The following HSD17B3 variants were observed in gnomAD, a reference collection of about 807,000 sequenced individuals.
HSD17B3 encodes 17-beta-hydroxysteroid dehydrogenase type 3.
A neutral mutation model predicts 41.1 loss-of-function variants in HSD17B3; 29 were observed. That is an observed-to-expected ratio of 0.71 (90% CI 0.53 to 0.96). The LOEUF (loss-of-function observed/expected upper bound fraction) is 0.96. HSD17B3 is among the 40% of genes least tolerant of loss of function. HSD17B3 has a pLI of 0.00. For missense variants in HSD17B3, 323 were observed against 374.6 expected (o/e 0.86, Z 1.14); for synonymous variants, 126 against 145.6 (o/e 0.87, Z 0.97).
intron 10 of HSD17B3, 130 bp from the exon 11 acceptor site, chr9:96,235,700 A>G: frequency 1.2e-6 from 1 of 800,776 alleles, no homozygotes; most frequent in South Asian, 1.5e-5. Context: ...TGTAATTGAT[A>G]AAGTTTAAGG....
chr9:96,251,116 G>A (rs1187050824), intron 5 of HSD17B3: 3 of 418,330 alleles, frequency 7.2e-6, no homozygotes, highest in African/African-American at 2.0e-5. Flanking sequence ...GAATGTGTTA[G>A]GCAGAATTAC....
chr9:96,264,588 G>T (rs981642903), intron 2 of HSD17B3, among the ~76,000 whole-genome samples: 1 of 152,150 alleles, frequency 6.6e-6, no homozygotes, highest in African/African-American at 2.4e-5. Flanking sequence ...GGCCAGGCTG[G>T]TCTTGAACTC....
chr9:96,294,850 T>G (rs1284893105), intron 2 of HSD17B3, among the ~76,000 whole-genome samples: 1 of 152,158 alleles, frequency 6.6e-6, no homozygotes, highest in Non-Finnish European at 1.5e-5. Context: ...CTACCGAGTG[T>G]CAGCCACTCC....
At chr9:96,272,423 ATATATATATATATATATATATAT>A (rs1826289593) in intron 2 of HSD17B3, among the ~76,000 whole-genome samples, 4 of 35,044 alleles carry the variant, frequency 1.1e-4, no homozygotes, top group Non-Finnish European at 1.8e-4. Flanking sequence ...ATATATATAT[ATATATATATATATATATATATAT>A]AAAATATATA....
chr9:96,277,835 GCACACA>G (rs3222260), intron 2 of HSD17B3, among the ~76,000 whole-genome samples: 33,288 of 145,882 alleles, frequency 0.23, 4,291 homozygotes, highest in Admixed American at 0.31. Flanking sequence ...GGAAAATGTG[GCACACA>G]CACACACACA....
chr9:96,271,685 AG>A (rs1473521589), intron 2 of HSD17B3, among the ~76,000 whole-genome samples: 3 of 152,240 alleles, frequency 2.0e-5, no homozygotes, highest in Non-Finnish European at 4.4e-5. Context: ...ACTTGCCAAT[AG>A]GGAAAGCTCT....
chr9:96,235,460 C>T lies in HSD17B3; in HGVS notation c.933G>A (p.Ter311=), dbSNP rs1348667608. 1 of 1,610,130 alleles carries T rather than the reference C, an allele frequency of 6.2e-7. No individual in the cohort carries two copies. Among genetic ancestry groups the T allele is most frequent in the East Asian group, 2.2e-5 (1 of 44,854 alleles). ...AYLKLNTKVR[*] is the part of the protein sequence containing the mutation. ...TTGTGCTGGACTCCTCACCGCCTGGCTACCTGACCTTGGTGTTGAGCTTCA... is the reference window on the plus strand; with the variant it reads ...TTGTGCTGGACTCCTCACCGCCTGGTTACCTGACCTTGGTGTTGAGCTTCA... The change falls in exon 11 of 11, where the codon TAG becomes TAA. Residue 311 remains the stop codon, a stop_retained_variant. Transcript: ENST00000375263.
chr9:96,291,072 T>C (rs759036321), intron 2 of HSD17B3, among the ~76,000 whole-genome samples: 6 of 152,068 alleles, frequency 3.9e-5, no homozygotes, highest in Non-Finnish European at 8.8e-5. Context: ...GGGACTTTCA[T>C]TGCAGCTGCC....
intron 9 of HSD17B3, among the ~76,000 whole-genome samples, chr9:96,243,978 C>G (rs1354149349): frequency 2.6e-5 from 4 of 152,192 alleles, no homozygotes; most frequent in South Asian, 4.1e-4. Context: ...TGTTCTGTAC[C>G]AGGGTCAGAG....
intron 5 of HSD17B3, chr9:96,250,116 G>C: frequency 1.5e-6 from 2 of 1,315,062 alleles, no homozygotes; most frequent in African/African-American, 1.5e-5. Context: ...AGGAAGAGGG[G>C]TTAGCCTATG....
chr9:96,288,730 A>G (rs1827027322), intron 2 of HSD17B3, among the ~76,000 whole-genome samples: 1 of 152,146 alleles, frequency 6.6e-6, no homozygotes, highest in Admixed American at 6.5e-5. Context: ...AGGTCAGGAC[A>G]TCGAGACCAT....
In HSD17B3 at chr9:96,276,044, T is replaced by G. The variant is rs531147868; in HGVS notation, c.202-21101A>C. On this transcript the variant is annotated intron_variant, in intron 2 of 10. Transcript: ENST00000375263. ...GCATGGAGCATGGGGAAGTCAAGGC[T>G]GCAGTGAGTCATGATCACACCACTG... 2.2e-5 allele frequency among the ~76,000 whole-genome samples: 3 copies of G among 138,132 alleles called. No homozygotes were observed. The East Asian group carries it at 6.8e-4, about 31-fold the overall frequency. 90.6% of individuals were successfully genotyped at this position (138,132 alleles called of 152,430 possible).
intron 2 of HSD17B3, among the ~76,000 whole-genome samples, chr9:96,296,706 A>G (rs1827372840): frequency 6.6e-6 from 1 of 152,210 alleles, no homozygotes; most frequent in South Asian, 2.1e-4. Context: ...TGGTTAAATT[A>G]TGGACCATCC....
chr9:96,273,185 G>A lies in HSD17B3; in HGVS notation c.202-18242C>T, dbSNP rs530664450. ...ATATTGTACTATAGCTTTGCAAGAT[G>A]TTACCATTAGGAGAAATTGGGTAAA... On this transcript the variant is annotated intron_variant, in intron 2 of 10. Transcript: ENST00000375263. 3.8e-3 allele frequency among the ~76,000 whole-genome samples: 575 copies of A among 152,214 alleles called. 6 individuals carry two copies. Among genetic ancestry groups the A allele is most frequent in the African/African-American group, 0.013 (544 of 41,528 alleles).
chr9:96,294,312 C>G (rs1441518919), intron 2 of HSD17B3, among the ~76,000 whole-genome samples: 1 of 151,938 alleles, frequency 6.6e-6, no homozygotes, highest in Non-Finnish European at 1.5e-5. Context: ...AAGTACAAAG[C>G]AAGAATTCAT....
chr9:96,287,869 C>CAA (rs35941200), intron 2 of HSD17B3, among the ~76,000 whole-genome samples: 33 of 116,072 alleles, frequency 2.8e-4, no homozygotes, highest in Admixed American at 7.5e-4. Flanking sequence ...TCATAATAGC[C>CAA]AAAAAAAAAA....
chr9:96,242,696 G>A (rs909424249), intron 9 of HSD17B3, among the ~76,000 whole-genome samples: 6 of 152,062 alleles, frequency 3.9e-5, no homozygotes, highest in African/African-American at 1.4e-4. Context: ...AAGGGACAAG[G>A]GACTCCATTT....
At chr9:96,282,233 T>G (rs1826727512) in intron 2 of HSD17B3, among the ~76,000 whole-genome samples, 2 of 152,160 alleles carry the variant, frequency 1.3e-5, no homozygotes, top group South Asian at 4.1e-4. Flanking sequence ...CTTTATTCTC[T>G]GTCTGTGTAT....
chr9:96,256,139 G>A lies in HSD17B3; in HGVS notation c.202-1196C>T, dbSNP rs145563661. Reference sequence around the variant, plus strand: ...CCACTTTATTGAAATCTGTCTCTGTGGTTTCAGTCAAATGATTCATACTGT... The same window carrying A: ...CCACTTTATTGAAATCTGTCTCTGTAGTTTCAGTCAAATGATTCATACTGT... On this transcript the variant is annotated intron_variant, in intron 2 of 10. Coordinates refer to ENST00000375263, the MANE Select transcript of HSD17B3 (RefSeq NM_000197.2). 4.6e-4 allele frequency: 70 copies of A among 152,244 alleles called. 1 individual carries two copies. Among genetic ancestry groups the A allele is most frequent in the African/African-American group, 1.6e-3 (68 of 41,538 alleles). 9.4% of individuals were successfully genotyped at this position (152,244 alleles called of 1,614,324 possible). A position where few individuals can be genotyped will look rare whatever the true frequency, so the allele number is the denominator to read the frequency against.
Sources: gnomAD v4.1 joint callset for allele counts (sites outside exome capture counted in the v4.1 genomes callset) on GRCh38, gnomAD v4.1.1 for gene constraint, MANE v1.5 for transcripts, NCBI Gene and HGNC (gene_info 2026-07-23, HGNC 2026-07-21) for gene names.